Variants in MORN3 observed in about 807,000 individuals in gnomAD.
MORN3 encodes MORN repeat containing 3.
MORN3 carries 38 observed loss-of-function variants against 34.7 expected under a neutral mutation model. The observed-to-expected ratio is 1.10, with a 90% CI of 0.85 to 1.44. The LOEUF (loss-of-function observed/expected upper bound fraction) is 1.44. Among genes scored for constraint, MORN3 ranks in the 40% most tolerant of loss-of-function variants. The pLI is 0.00. For missense variants in MORN3, 311 were observed against 321.7 expected, an observed-to-expected ratio of 0.97 and a Z score of 0.25; for synonymous variants, 109 against 115.3, an observed-to-expected ratio of 0.95 and a Z score of 0.35.
intron 5 of MORN3, among the ~76,000 whole-genome samples, chr12:121,652,443 AG>A (rs1893279621): frequency 6.6e-6 from 1 of 152,144 alleles, no homozygotes; most frequent in African/African-American, 2.4e-5. Context: ...CATGTTGGCC[AG>A]GCTGGTCTCA....
At chr12:121,659,516 ATTTCTTTC>A (rs539023370) in intron 1 of MORN3, among the ~76,000 whole-genome samples, 168 bp from the exon 2 acceptor site, 79 of 149,702 alleles carry the variant, frequency 5.3e-4, no homozygotes, top group African/African-American at 1.2e-3. Context: ...GGAAAGTTCC[ATTTCTTTC>A]TTTCTTTCTT....
chr12:121,659,159 ACAC>A, intron 2 of MORN3, 29 bp downstream of exon 2: 1 of 1,605,630 alleles, frequency 6.2e-7, no homozygotes. Context: ...ACACACACAC[ACAC>A]ACACACCCCG....
chr12:121,662,434 C>A (rs1421826607), intron 1 of MORN3, among the ~76,000 whole-genome samples: 3 of 151,994 alleles, frequency 2.0e-5, no homozygotes, highest in Non-Finnish European at 4.4e-5. Context: ...CCACTGCACT[C>A]CAGCCTGGAC....
At chr12:121,657,851 A>G (rs1467787987) in intron 2 of MORN3, among the ~76,000 whole-genome samples, 1 of 151,976 alleles carries the variant, frequency 6.6e-6, no homozygotes, top group Admixed American at 6.6e-5. Context: ...TGGCGACAAG[A>G]GCGAAACTCC....
In MORN3 at chr12:121,666,980, G is replaced by A. The variant is rs560785991; in HGVS notation, c.145+2359C>T. On this transcript the variant is annotated intron_variant, in intron 1 of 5. Transcript: ENST00000355329. ...TTTTTTTTTTTTTTTTTTTTGAGAT[G>A]GAGATTCGTTCTTGGAAACTCCCTG... is the stretch of plus-strand genomic sequence containing the variant. Among the ~76,000 whole-genome samples the A allele has an allele frequency of 3.8e-5, 4 of 105,154 alleles. No individual in the cohort carries two copies. The South Asian group carries it at 1.2e-3, about 33-fold the overall frequency. 69.0% of individuals were successfully genotyped at this position (105,154 alleles called of 152,430 possible).
chr12:121,669,832 A>ATAT (rs1182950355), upstream of MORN3, among the ~76,000 whole-genome samples: 122 of 133,612 alleles, frequency 9.1e-4, 1 homozygote, highest in East Asian at 0.01. Context: ...ATATATATAT[A>ATAT]TTTTTTTTTT....
chr12:121,663,432 A>C (rs1157252991), intron 1 of MORN3, among the ~76,000 whole-genome samples: 4 of 152,148 alleles, frequency 2.6e-5, no homozygotes, highest in Admixed American at 6.6e-5. Flanking sequence ...TCACGACCTC[A>C]GGAGATCCAC....
intron 1 of MORN3, among the ~76,000 whole-genome samples, chr12:121,662,784 T>G (rs1447158168): frequency 6.7e-6 from 1 of 149,062 alleles, no homozygotes; most frequent in Non-Finnish European, 1.5e-5. Flanking sequence ...CTCACACCTG[T>G]AATCTCAGTA....
Position 121,669,508 on chromosome 12 carries a change from G to T in MORN3, c.-25C>A. The stretch of plus-strand genomic sequence containing the variant: ...TGGTGGCTGCTTCTGCAAGGCTGGA[G>T]GGTGCTGGAAAGGGGTTAGGGACAT... On this transcript the variant is annotated 5_prime_UTR_variant, in exon 1 of 6. Transcript: ENST00000355329. 6.2e-7 allele frequency: 1 copy of T among 1,612,006 alleles called. No homozygotes were observed. Among genetic ancestry groups the T allele is most frequent in the African/African-American group, 1.3e-5 (1 of 74,990 alleles).
At chr12:121,660,609 A>G (rs942765825) in intron 1 of MORN3, among the ~76,000 whole-genome samples, 1 of 147,410 alleles carries the variant, frequency 6.8e-6, no homozygotes, top group Non-Finnish European at 1.5e-5. Flanking sequence ...TTGGCCACCC[A>G]TAATACTGGG....
rs372295705 is a variant in MORN3, at chr12:121,651,441, T to C, written c.*210A>G. 4 of 152,174 alleles carry C rather than the reference T, an allele frequency of 2.6e-5. No individual in the cohort carries two copies. Among genetic ancestry groups the C allele is most frequent in the African/African-American group, 9.7e-5 (4 of 41,434 alleles). 9.4% of individuals were successfully genotyped at this position (152,174 alleles called of 1,614,324 possible). ...TGCATTCCAGGATGAGATCAGAGAA[T>C]GAAGAGGGTCCCGAGGACAGCCTGG... On this transcript the variant is annotated 3_prime_UTR_variant, in exon 6 of 6. Coordinates refer to ENST00000355329, the MANE Select transcript of MORN3 (RefSeq NM_173855.5).
At chr12:121,657,564 T>C (rs1308575792) in intron 2 of MORN3, among the ~76,000 whole-genome samples, 3 of 151,990 alleles carry the variant, frequency 2.0e-5, no homozygotes, top group African/African-American at 7.3e-5. Context: ...GGGAGACTGA[T>C]TTGAGTAATA....
intron 1 of MORN3, among the ~76,000 whole-genome samples, chr12:121,665,241 G>C (rs1301128917): frequency 7.0e-6 from 1 of 143,812 alleles, no homozygotes; most frequent in Non-Finnish European, 1.5e-5. Context: ...GGAGTCCTGA[G>C]ACCTGGTTTT....
At chr12:121,664,241 C>A (rs1893674715) in intron 1 of MORN3, among the ~76,000 whole-genome samples, 1 of 152,170 alleles carries the variant, frequency 6.6e-6, no homozygotes, top group Non-Finnish European at 1.5e-5. Context: ...ATTACTGAAG[C>A]CCTCCTGAGT....
At chr12:121,672,051 C>T (rs1226208664), upstream of MORN3, among the ~76,000 whole-genome samples, 1 of 152,146 alleles carries the variant, frequency 6.6e-6, no homozygotes, top group Non-Finnish European at 1.5e-5. Context: ...CTAAAATCAC[C>T]CTCCATCCCA....
upstream of MORN3, among the ~76,000 whole-genome samples, chr12:121,671,355 G>A (rs1183584796): frequency 6.7e-6 from 1 of 148,308 alleles, no homozygotes; most frequent in Non-Finnish European, 1.5e-5. Flanking sequence ...GCAATGAGCC[G>A]AGATCGCGCC....
Position 121,653,159 on chromosome 12 carries a change from C to CCAGAAG in MORN3, c.558_563dup (p.Phe187_Trp188insCysPhe). On this transcript the variant is annotated inframe_insertion, in exon 4 of 6. Transcript: ENST00000355329. ...TCCCGCATTTGGCCATATTGTCCAC[C>CCAGAAG]CAGAAGCCTTCAAACAGCTGGCCGT... 6.2e-7 allele frequency: 1 copy of CCAGAAG among 1,614,186 alleles called. No homozygotes were observed. The highest frequency in any genetic ancestry group is 8.5e-7 in the Non-Finnish European group (1 of 1,180,028).
intron 1 of MORN3, among the ~76,000 whole-genome samples, chr12:121,667,355 G>T (rs1893796740): frequency 1.3e-5 from 2 of 152,010 alleles, no homozygotes; most frequent in Non-Finnish European, 2.9e-5. Context: ...CTGGGTTCAA[G>T]CAATTCTCCT....
chr12:121,662,109 G>T (rs1213246151), intron 1 of MORN3, among the ~76,000 whole-genome samples: 1 of 152,084 alleles, frequency 6.6e-6, no homozygotes, highest in Admixed American at 6.6e-5. Flanking sequence ...GGCTGGTGGG[G>T]TGGGGAAAAT....
Sources: gnomAD v4.1 joint callset for allele counts (sites outside exome capture counted in the v4.1 genomes callset) on GRCh38, gnomAD v4.1.1 for gene constraint, MANE v1.5 for transcripts, NCBI Gene and HGNC (gene_info 2026-07-23, HGNC 2026-07-21) for gene names.